Variants in HP1BP3 observed in about 807,000 individuals in gnomAD.
HP1BP3 encodes the protein heterochromatin protein 1-binding protein 3.
Under a neutral mutation model 62.5 loss-of-function variants are expected in HP1BP3, and 12 were observed. The observed-to-expected ratio is 0.19, with a 90% CI of 0.12 to 0.31. The LOEUF is 0.31. HP1BP3 is among the 10% of genes least tolerant of loss of function. HP1BP3 has a pLI of 1.00. For missense variants in HP1BP3, 502 were observed against 651.8 expected (o/e 0.77, Z 2.50); for synonymous variants, 260 against 237.8 (o/e 1.09, Z -0.86).
At chr1:20,766,727 G>C (rs2056803925) in intron 7 of HP1BP3, among the ~76,000 whole-genome samples, 1 of 151,922 alleles carries the variant, frequency 6.6e-6, no homozygotes, top group African/African-American at 2.4e-5. Flanking sequence ...ATCACCTGAG[G>C]TCAGGAGGTG....
intron 8 of HP1BP3, among the ~76,000 whole-genome samples, chr1:20,764,691 GAAA>G (rs745772445): frequency 2.8e-5 from 1 of 36,152 alleles, no homozygotes; most frequent in African/African-American, 1.1e-4. Context: ...TTTGGGTTTG[GAAA>G]AAAAAAAAAA....
intron 9 of HP1BP3, among the ~76,000 whole-genome samples, chr1:20,752,246 C>T (rs773693165): frequency 2.6e-5 from 4 of 151,678 alleles, no homozygotes; most frequent in Non-Finnish European, 5.9e-5. Flanking sequence ...AACAAGACTC[C>T]ATCTCAAAAA....
chr1:20,758,639 C>T (rs1332373640), intron 8 of HP1BP3, among the ~76,000 whole-genome samples: 1 of 151,104 alleles, frequency 6.6e-6, no homozygotes, highest in African/African-American at 2.4e-5. Context: ...AGCCACCACA[C>T]CTGGCCTTTT....
intron 4 of HP1BP3, chr1:20,775,137 C>T (rs973531409): frequency 5.3e-5 from 8 of 152,028 alleles, no homozygotes; most frequent in African/African-American, 1.9e-4. Flanking sequence ...TGTAAAACAG[C>T]CTCAAGCAGG....
intron 9 of HP1BP3, chr1:20,755,352 C>T: frequency 2.2e-6 from 1 of 453,856 alleles, no homozygotes; most frequent in South Asian, 1.6e-5. Flanking sequence ...CAGACTACTT[C>T]ACTGAACCCA....
chr1:20,757,228 T>A lies in HP1BP3; in HGVS notation c.919A>T (p.Arg307Ter), dbSNP rs769023017. ...TCTAACTGGCCCCTCTCTACTGCTCTCTGCAGAGCGTTCTTCAACAGCTGA... is the reference window on the plus strand; with the variant it reads ...TCTAACTGGCCCCTCTCTACTGCTCACTGCAGAGCGTTCTTCAACAGCTGA... ...RPQLLKNALQRAVERGQLEQI... is the reference protein window; with the variant it reads ...RPQLLKNALQ Residue 307 changes from arginine to a stop codon, truncating the protein, a stop_gained, in exon 9 of 13, where the codon AGA becomes TGA. Transcript: ENST00000438032. LOFTEE classifies it high-confidence loss of function. The A allele has an allele frequency of 6.2e-7, 1 of 1,610,148 alleles. No individual in the cohort carries two copies. The highest frequency in any genetic ancestry group is 8.5e-7 in the Non-Finnish European group (1 of 1,178,664).
In HP1BP3 at chr1:20,744,902, A is replaced by C. The variant is rs201113312; in HGVS notation, c.1557T>G (p.Pro519=). The C allele has an allele frequency of 1.1e-5, 18 of 1,614,108 alleles. No individual in the cohort carries two copies. In the African/African-American group the frequency reaches 2.4e-4, roughly 22 times the overall value. Residue 519 remains proline, a synonymous_variant, in exon 13 of 13, where the codon CCT becomes CCG. Transcript: ENST00000438032. ...TRPSSTVIKK[P]SGGSSKKPAT... is the part of the protein sequence containing the mutation. ...CAGGCTTCTTTGAGGAGCCACCACT[A>C]GGTTTCTTGATGACTGTGGATGAGG...
intron 6 of HP1BP3, 75 bp downstream of exon 6, chr1:20,770,855 G>T: frequency 8.8e-7 from 1 of 1,139,172 alleles, no homozygotes; most frequent in Non-Finnish European, 1.2e-6. Flanking sequence ...GGCACAAAAA[G>T]CCTAAATGTT....
In HP1BP3 at chr1:20,745,679, A is replaced by G. The variant is rs745842011; in HGVS notation, c.1254-23T>C. The G allele has an allele frequency of 2.5e-5, 40 of 1,612,172 alleles. No individual in the cohort carries two copies. The South Asian group carries it at 4.2e-4, about 17-fold the overall frequency. On this transcript the variant is annotated intron_variant, in intron 11 of 12. Coordinates refer to ENST00000438032, the MANE Select transcript of HP1BP3 (RefSeq NM_001372052.1). ...GGGCTATACGGGGAAAAATTAGATTAAAACACAAGTCCCATATAAAACAAG... is the reference window on the plus strand; with the variant it reads ...GGGCTATACGGGGAAAAATTAGATTGAAACACAAGTCCCATATAAAACAAG...
chr1:20,761,859 G>A (rs2056504190), intron 8 of HP1BP3, among the ~76,000 whole-genome samples: 1 of 152,184 alleles, frequency 6.6e-6, no homozygotes, highest in South Asian at 2.1e-4. Context: ...TGGAAGGCAA[G>A]TGAAGAAAAT....
Position 20,747,537 on chromosome 1 carries a change from T to C in HP1BP3, c.1253+7A>G. Reference sequence around the variant, plus strand: ...TTACAGTGATCTATTATAGGCTAAGTACTTACCTGGGATAATAGGGAAAAC... The same window carrying C: ...TTACAGTGATCTATTATAGGCTAAGCACTTACCTGGGATAATAGGGAAAAC... On this transcript the variant is annotated splice_region_variant and intron_variant, in intron 11 of 12. Transcript: ENST00000438032. The C allele has an allele frequency of 1.3e-6, 2 of 1,537,272 alleles. No homozygotes were observed. Among genetic ancestry groups the C allele is most frequent in the South Asian group, 2.3e-5 (2 of 88,810 alleles).
chr1:20,749,103 G>C (rs965952202), intron 10 of HP1BP3, among the ~76,000 whole-genome samples: 1 of 152,134 alleles, frequency 6.6e-6, no homozygotes, highest in Admixed American at 6.5e-5. Flanking sequence ...ACATTCAAAA[G>C]TAGGAAAAAA....
chr1:20,766,194 G>C (rs773781323), intron 7 of HP1BP3, among the ~76,000 whole-genome samples: 1 of 152,150 alleles, frequency 6.6e-6, no homozygotes, highest in African/African-American at 2.4e-5. Context: ...AGGAGGCTGA[G>C]GCAGGAGAAT....
At chr1:20,784,263 T>C (rs2057711931) in intron 1 of HP1BP3, among the ~76,000 whole-genome samples, 1 of 152,024 alleles carries the variant, frequency 6.6e-6, no homozygotes, top group South Asian at 2.1e-4. Flanking sequence ...AGCCACTGCA[T>C]CTGACCCAGT....
chr1:20,756,743 T>A (rs2056133660), intron 9 of HP1BP3, among the ~76,000 whole-genome samples: 1 of 152,240 alleles, frequency 6.6e-6, no homozygotes, highest in Non-Finnish European at 1.5e-5. Flanking sequence ...TGAGATGGCA[T>A]CTCGCTCTGT....
Position 20,787,260 on chromosome 1 carries a change from C to T in HP1BP3, c.-166G>A, listed in dbSNP as rs1157321506. On this transcript the variant is annotated 5_prime_UTR_variant, in exon 1 of 13. Transcript: ENST00000438032. Reference sequence around the variant, plus strand: ...CCTCTCGGCGCCGCTCCCGCCGCCGCTAGTCGCCTCCGCCACCGCTGTCCT... The same window carrying T: ...CCTCTCGGCGCCGCTCCCGCCGCCGTTAGTCGCCTCCGCCACCGCTGTCCT... 1.3e-5 allele frequency: 2 copies of T among 152,218 alleles called. No homozygotes were observed. The highest frequency in any genetic ancestry group is 3.8e-4 in the East Asian group (2 of 5,196). 9.4% of individuals were successfully genotyped at this position (152,218 alleles called of 1,614,324 possible).
At position 20,785,612 on chromosome 1, in the gene HP1BP3, A is replaced by G. The variant is rs190437062; in HGVS notation, c.-101+1583T>C. 5.3e-5 allele frequency among the ~76,000 whole-genome samples: 8 copies of G among 152,340 alleles called. No individual in the cohort carries two copies. The East Asian group carries it at 1.5e-3, about 29-fold the overall frequency. On this transcript the variant is annotated intron_variant, in intron 1 of 12. Coordinates refer to ENST00000438032, the MANE Select transcript of HP1BP3 (RefSeq NM_001372052.1). ...AGTGTCTGTTTTGGGCATAGATACT[A>G]AGGACACTACAGTGTCTCATCTCAA...
In HP1BP3 at chr1:20,746,186, A is replaced by ATGTGTGTGTGTG. The variant is rs35710978; in HGVS notation, c.1254-542_1254-531dup. 8.4e-5 allele frequency among the ~76,000 whole-genome samples: 12 copies of ATGTGTGTGTGTG among 143,246 alleles called. No individual in the cohort carries two copies. In the East Asian group the frequency reaches 1.0e-3, roughly 12 times the overall value. The allele number at this position is 143,246 out of a possible 152,430, so 94.0% of individuals were successfully genotyped here. A position where few individuals can be genotyped will look rare whatever the true frequency, so the allele number is the denominator to read the frequency against. ...CTTAAATGATAACATACATACATATATGTGTGTGTGTGTGTGTGTGTGTGT... is the reference window on the plus strand; with the variant it reads ...CTTAAATGATAACATACATACATATATGTGTGTGTGTGTGTGTGTGTGTGTGTGTGTGTGTGT... On this transcript the variant is annotated intron_variant, in intron 11 of 12. Coordinates refer to ENST00000438032, the MANE Select transcript of HP1BP3 (RefSeq NM_001372052.1).
intron 7 of HP1BP3, 51 bp from the exon 8 acceptor site, chr1:20,765,582 T>C (rs756669516): frequency 1.3e-5 from 18 of 1,428,496 alleles, no homozygotes; most frequent in East Asian, 9.6e-5. Flanking sequence ...TAAATGTTTC[T>C]ACATACAACT....
Sources: gnomAD v4.1 joint callset for allele counts (sites outside exome capture counted in the v4.1 genomes callset) on GRCh38, gnomAD v4.1.1 for gene constraint, MANE v1.5 for transcripts, NCBI Gene and HGNC (gene_info 2026-07-23, HGNC 2026-07-21) for gene names.